FRMD4B: variants seen among roughly 807,000 people sequenced by gnomAD.
The protein encoded by FRMD4B is FERM domain containing 4B.
A neutral mutation model predicts 141.5 loss-of-function variants in FRMD4B; 74 were observed. The ratio of observed to expected loss-of-function variants is 0.52; its 90% CI spans 0.43 to 0.63. FRMD4B has a LOEUF of 0.63. FRMD4B is among the 30% of genes least tolerant of loss of function. FRMD4B has a pLI of 0.00. For missense variants in FRMD4B, 1,366 were observed against 1,253.4 expected (o/e 1.09, Z -1.36); for synonymous variants, 506 against 467.9 (o/e 1.08, Z -1.05).
intron 5 of FRMD4B, among the ~76,000 whole-genome samples, chr3:69,268,348 T>G (rs2093577913): frequency 6.6e-6 from 1 of 151,964 alleles, no homozygotes; most frequent in South Asian, 2.1e-4. Flanking sequence ...GCATGGAGGT[T>G]CCAGGGCACC....
chr3:69,183,995 G>C (rs542597532), intron 19 of FRMD4B, among the ~76,000 whole-genome samples: 4 of 151,358 alleles, frequency 2.6e-5, no homozygotes, highest in Admixed American at 6.6e-5. Context: ...TCCTGGGTTC[G>C]AGTGATCCTC....
At chr3:69,540,366 G>C (rs1701154274) in intron 1 of FRMD4B, among the ~76,000 whole-genome samples, 1 of 151,686 alleles carries the variant, frequency 6.6e-6, no homozygotes, top group Non-Finnish European at 1.5e-5. Flanking sequence ...TGTAATCCCA[G>C]CACTTTGGGA....
intron 18 of FRMD4B, 150 bp from the exon 19 acceptor site, chr3:69,188,067 C>T (rs1014565470): frequency 3.2e-5 from 20 of 623,670 alleles, no homozygotes; most frequent in Non-Finnish European, 5.4e-5. Flanking sequence ...ATAACTCTTT[C>T]AAGAAGTTAA....
chr3:69,534,348 T>G (rs1288783424), intron 1 of FRMD4B, among the ~76,000 whole-genome samples: 1 of 152,234 alleles, frequency 6.6e-6, no homozygotes, highest in African/African-American at 2.4e-5. Flanking sequence ...GGTGAATTTT[T>G]TTTCTGGTAC....
At chr3:69,525,748 G>A (rs1375722163) in intron 1 of FRMD4B, among the ~76,000 whole-genome samples, 1 of 151,968 alleles carries the variant, frequency 6.6e-6, no homozygotes, top group African/African-American at 2.4e-5. Context: ...ACCTCCCTGG[G>A]CTCTGGTGAT....
At chr3:69,274,623 A>C (rs2093609800) in intron 5 of FRMD4B, among the ~76,000 whole-genome samples, 2 of 152,094 alleles carry the variant, frequency 1.3e-5, no homozygotes, top group African/African-American at 4.8e-5. Flanking sequence ...AGTTCAAGCA[A>C]TTCTCGTGCC....
intron 1 of FRMD4B, among the ~76,000 whole-genome samples, chr3:69,463,981 G>A (rs921117916): frequency 2.0e-5 from 3 of 152,132 alleles, no homozygotes; most frequent in African/African-American, 7.2e-5. Flanking sequence ...CACTACCCTG[G>A]AAGCCAGAGG....
In FRMD4B at chr3:69,182,708, C is replaced by T; in HGVS notation, c.1929G>A (p.Leu643=). 6.2e-7 allele frequency: 1 copy of T among 1,611,386 alleles called. No individual in the cohort carries two copies. The highest frequency in any genetic ancestry group is 8.5e-7 in the Non-Finnish European group (1 of 1,179,226). Residue 643 remains leucine (L), a synonymous_variant, in exon 20 of 23, where the codon CTG becomes CTA. Coordinates refer to ENST00000398540, the MANE Select transcript of FRMD4B (RefSeq NM_015123.3). ...FVDTRQSREM[L]STHSSPYKTL... ...TTTTGTAAGGGCTGCTGTGTGTGGACAGCATTTCTCTGTGATGATAAAAAG... is the reference window on the plus strand; with the variant it reads ...TTTTGTAAGGGCTGCTGTGTGTGGATAGCATTTCTCTGTGATGATAAAAAG...
chr3:69,384,058 C>A (rs1704189859), intron 1 of FRMD4B, among the ~76,000 whole-genome samples: 1 of 152,034 alleles, frequency 6.6e-6, no homozygotes, highest in African/African-American at 2.4e-5. Context: ...CCTCAGCCTT[C>A]TGAGTAGCTG....
chr3:69,325,085 A>AAGGAAAGAAAGAAAGAAAG, intron 1 of FRMD4B, among the ~76,000 whole-genome samples: 1 of 79,996 alleles, frequency 1.3e-5, no homozygotes, highest in East Asian at 3.1e-4. Context: ...TAAAAAAAAA[A>AAGGAAAGAAAGAAAGAAAG]AAAGAAAGAA....
intron 5 of FRMD4B, among the ~76,000 whole-genome samples, chr3:69,275,290 G>C (rs886642951): frequency 6.6e-6 from 1 of 152,028 alleles, no homozygotes; most frequent in African/African-American, 2.4e-5. Flanking sequence ...AAAAAACGTC[G>C]TTGTCTTTAG....
At chr3:69,448,405 AT>A (rs780485158) in intron 1 of FRMD4B, among the ~76,000 whole-genome samples, 2 of 152,216 alleles carry the variant, frequency 1.3e-5, no homozygotes, top group Non-Finnish European at 2.9e-5. Context: ...GTGAGATTCT[AT>A]GATCAGGGAA....
intron 7 of FRMD4B, among the ~76,000 whole-genome samples, chr3:69,238,717 G>A (rs72929588): frequency 0.04 from 6,027 of 152,204 alleles, 412 homozygotes; most frequent in African/African-American, 0.14. Context: ...CAGGGGGCAC[G>A]TGATCTGCAG....
intron 5 of FRMD4B, among the ~76,000 whole-genome samples, chr3:69,258,799 G>T (rs17005573): frequency 0.037 from 5,606 of 152,050 alleles, 313 homozygotes; most frequent in African/African-American, 0.13. Context: ...ATTGGACTGG[G>T]ACCTATCTCC....
At chr3:69,335,284 C>A (rs1255878851) in intron 1 of FRMD4B, among the ~76,000 whole-genome samples, 2 of 152,038 alleles carry the variant, frequency 1.3e-5, no homozygotes, top group African/African-American at 4.8e-5. Context: ...AAGCATATTC[C>A]AGACAGAGGC....
At chr3:69,354,900 G>A (rs1488466872) in intron 1 of FRMD4B, among the ~76,000 whole-genome samples, 1 of 152,074 alleles carries the variant, frequency 6.6e-6, no homozygotes, top group African/African-American at 2.4e-5. Flanking sequence ...GTGGCAAAAA[G>A]TTTAATACAT....
At chr3:69,455,783 C>CT (rs1341279267) in intron 1 of FRMD4B, among the ~76,000 whole-genome samples, 1 of 152,164 alleles carries the variant, frequency 6.6e-6, no homozygotes, top group Admixed American at 6.5e-5. Flanking sequence ...TTTTTAATGT[C>CT]TTTAACTGTG....
chr3:69,245,497 C>T (rs1208344589), intron 7 of FRMD4B, among the ~76,000 whole-genome samples: 1 of 152,032 alleles, frequency 6.6e-6, no homozygotes, highest in African/African-American at 2.4e-5. Context: ...CAGATGTGTG[C>T]TGCCATGCAC....
chr3:69,363,788 G>C (rs1171471034), intron 1 of FRMD4B, among the ~76,000 whole-genome samples: 1 of 152,176 alleles, frequency 6.6e-6, no homozygotes, highest in Non-Finnish European at 1.5e-5. Context: ...CCCTGGCAGA[G>C]GAATAAGGTC....
Sources: allele counts gnomAD v4.1 joint callset (sites outside exome capture counted in the v4.1 genomes callset), GRCh38; gene constraint gnomAD v4.1.1; transcripts MANE v1.5; gene names NCBI Gene and HGNC (gene_info 2026-07-23, HGNC 2026-07-21).